Variants in SKAP2 observed in about 807,000 individuals in gnomAD.
SKAP2 encodes the protein src kinase associated phosphoprotein 2.
SKAP2 carries 28 observed loss-of-function variants against 54.9 expected under a neutral mutation model. The ratio of observed to expected loss-of-function variants is 0.51; its 90% CI spans 0.38 to 0.70. The LOEUF (loss-of-function observed/expected upper bound fraction) is 0.70. Among genes scored for constraint, SKAP2 ranks in the 30% least tolerant of loss-of-function variants. The pLI, the probability that SKAP2 is intolerant of heterozygous loss-of-function variation, is 0.00. For synonymous variants in SKAP2, 137 were observed against 134.3 expected, an observed-to-expected ratio of 1.02 and a Z score of -0.14; for missense variants, 356 against 424.1, an observed-to-expected ratio of 0.84 and a Z score of 1.41.
intron 3 of SKAP2, among the ~76,000 whole-genome samples, chr7:26,847,397 G>A (rs1784946241): frequency 6.6e-6 from 1 of 151,610 alleles, no homozygotes; most frequent in South Asian, 2.1e-4. Context: ...TGTCTTATAA[G>A]GAGTTTTAAC....
At chr7:26,749,006 T>C (rs937475564) in intron 4 of SKAP2, among the ~76,000 whole-genome samples, 5 of 152,164 alleles carry the variant, frequency 3.3e-5, no homozygotes, top group African/African-American at 9.7e-5. Context: ...TGTAGTAGGA[T>C]AGCACTTAAG....
intron 4 of SKAP2, among the ~76,000 whole-genome samples, chr7:26,778,065 G>T (rs1248722374): frequency 6.6e-6 from 1 of 152,018 alleles, no homozygotes; most frequent in African/African-American, 2.4e-5. Context: ...ACCCTAAATT[G>T]ATTCCTAACC....
intron 11 of SKAP2, among the ~76,000 whole-genome samples, chr7:26,679,744 T>C (rs1442356985): frequency 6.6e-6 from 1 of 152,204 alleles, no homozygotes; most frequent in Non-Finnish European, 1.5e-5. Flanking sequence ...AACAAGACTT[T>C]CATTTCATTT....
At chr7:26,760,011 TTAAG>T (rs772532514) in intron 4 of SKAP2, among the ~76,000 whole-genome samples, 49 of 152,074 alleles carry the variant, frequency 3.2e-4, no homozygotes, top group Non-Finnish European at 6.0e-4. Context: ...GAACAATACT[TTAAG>T]TAAAGTGCTC....
At chr7:26,803,249 T>C (rs1562616824) in intron 4 of SKAP2, among the ~76,000 whole-genome samples, 1 of 152,088 alleles carries the variant, frequency 6.6e-6, no homozygotes, top group African/African-American at 2.4e-5. Context: ...CCAGACTACA[T>C]AAGGAGCTCA....
At chr7:26,795,846 C>T (rs542453781) in intron 4 of SKAP2, among the ~76,000 whole-genome samples, 1 of 152,242 alleles carries the variant, frequency 6.6e-6, no homozygotes, top group East Asian at 1.9e-4. Context: ...AGGAATGGCT[C>T]CTTGATAAGT....
chr7:26,824,339 T>C (rs570036639), intron 4 of SKAP2, among the ~76,000 whole-genome samples: 107 of 152,270 alleles, frequency 7.0e-4, no homozygotes, highest in African/African-American at 2.6e-3. Flanking sequence ...AATATAGTAG[T>C]AAGGAATACA....
At chr7:26,850,968 A>G (rs1785026946) in intron 3 of SKAP2, among the ~76,000 whole-genome samples, 1 of 152,174 alleles carries the variant, frequency 6.6e-6, no homozygotes, top group Non-Finnish European at 1.5e-5. Context: ...AAATTAGCCT[A>G]ATACACAAGC....
At chr7:26,812,224 T>C (rs1442116137) in intron 4 of SKAP2, among the ~76,000 whole-genome samples, 2 of 152,208 alleles carry the variant, frequency 1.3e-5, no homozygotes, top group East Asian at 1.9e-4. Flanking sequence ...GGCTATGTCT[T>C]AGTAAGTAAA....
chr7:26,707,431 C>T (rs1040131228), intron 9 of SKAP2, among the ~76,000 whole-genome samples: 1 of 151,890 alleles, frequency 6.6e-6, no homozygotes, highest in African/African-American at 2.4e-5. Flanking sequence ...GGATATTAGA[C>T]ACCTAGCACA....
chr7:26,747,615 A>G (rs530775070), intron 4 of SKAP2, among the ~76,000 whole-genome samples: 84 of 152,206 alleles, frequency 5.5e-4, no homozygotes, highest in Non-Finnish European at 1.0e-3. Context: ...AGAAGACAGT[A>G]ACTATTAATA....
chr7:26,820,822 G>T (rs544872976), intron 4 of SKAP2, among the ~76,000 whole-genome samples: 1 of 152,230 alleles, frequency 6.6e-6, no homozygotes, highest in African/African-American at 2.4e-5. Flanking sequence ...AAATTCCAAA[G>T]AAAATATGTA....
chr7:26,782,033 T>C (rs148057974), intron 4 of SKAP2, among the ~76,000 whole-genome samples: 1 of 152,366 alleles, frequency 6.6e-6, no homozygotes, highest in East Asian at 1.9e-4. Flanking sequence ...TTTGCTTCTA[T>C]GCTTCTGTGA....
intron 4 of SKAP2, among the ~76,000 whole-genome samples, chr7:26,797,503 G>C (rs1238149719): frequency 6.6e-6 from 1 of 152,146 alleles, no homozygotes; most frequent in Non-Finnish European, 1.5e-5. Flanking sequence ...GCTCCCTAAA[G>C]CAGATACAGC....
intron 4 of SKAP2, among the ~76,000 whole-genome samples, chr7:26,761,623 C>T (rs1415069656): frequency 2.0e-5 from 3 of 152,142 alleles, no homozygotes; most frequent in African/African-American, 7.2e-5. Context: ...TAGGCGAGGC[C>T]AGGCATGGTG....
At chr7:26,797,315 G>T (rs1783803425) in intron 4 of SKAP2, among the ~76,000 whole-genome samples, 1 of 152,194 alleles carries the variant, frequency 6.6e-6, no homozygotes, top group Non-Finnish European at 1.5e-5. Flanking sequence ...CGCCACGGGG[G>T]TGCCTGTGTT....
downstream of SKAP2, among the ~76,000 whole-genome samples, chr7:26,663,595 G>A (rs543403419): frequency 6.6e-6 from 1 of 152,268 alleles, no homozygotes; most frequent in South Asian, 2.1e-4. Flanking sequence ...GTTTTACAAT[G>A]AAGTTTACTG....
intron 11 of SKAP2, among the ~76,000 whole-genome samples, chr7:26,682,747 G>C (rs1786531411): frequency 6.6e-6 from 1 of 152,138 alleles, no homozygotes; most frequent in African/African-American, 2.4e-5. Context: ...CCATGGGCTG[G>C]AACACCTTTA....
intron 4 of SKAP2, among the ~76,000 whole-genome samples, chr7:26,741,822 GT>G (rs554334194): frequency 3.6e-4 from 53 of 145,994 alleles, no homozygotes; most frequent in Admixed American, 7.6e-4. Flanking sequence ...AATTTTACCA[GT>G]TTTTTTTTTT....
Sources: allele counts gnomAD v4.1 joint callset (sites outside exome capture counted in the v4.1 genomes callset), GRCh38; gene constraint gnomAD v4.1.1; transcripts MANE v1.5; gene names NCBI Gene and HGNC (gene_info 2026-07-23, HGNC 2026-07-21).